LMBR1: variants seen among roughly 807,000 people sequenced by gnomAD.
The protein encoded by LMBR1 is limb region 1 protein homolog.
Under a neutral mutation model 73.9 loss-of-function variants are expected in LMBR1, and 52 were observed. That is an observed-to-expected ratio of 0.70 (90% confidence interval 0.56 to 0.89). LMBR1 has a LOEUF of 0.89. LMBR1 is among the 40% of genes least tolerant of loss of function. The probability of loss-of-function intolerance (pLI) is 0.00; values close to 1 mark genes in which losing one functional copy is unlikely to be tolerated. For synonymous variants in LMBR1, 215 were observed against 209.4 expected, an observed-to-expected ratio of 1.03 and a Z score of -0.23; for missense variants, 539 against 579.8, an observed-to-expected ratio of 0.93 and a Z score of 0.72.
downstream of LMBR1, chr7:156,676,852 T>C (rs1338234476): frequency 1.2e-5 from 7 of 567,016 alleles, no homozygotes; most frequent in Non-Finnish European, 2.2e-5. Flanking sequence ...CTCTAAAAAG[T>C]AAATTTCAAA....
At chr7:156,703,537 G>A (rs6459700) in intron 15 of LMBR1, among the ~76,000 whole-genome samples, 3,816 of 152,264 alleles carry the variant, frequency 0.025, 161 homozygotes, top group African/African-American at 0.087. Context: ...AGCACTCCAC[G>A]AGAACAAGGA....
intron 1 of LMBR1, among the ~76,000 whole-genome samples, chr7:156,882,594 G>A (rs950150791): frequency 6.6e-6 from 1 of 152,196 alleles, no homozygotes; most frequent in African/African-American, 2.4e-5. Context: ...GAGTGTAAAT[G>A]GTGGTTCTCA....
chr7:156,722,429 C>G (rs567983217), intron 15 of LMBR1, among the ~76,000 whole-genome samples: 14 of 152,126 alleles, frequency 9.2e-5, no homozygotes, highest in African/African-American at 3.4e-4. Flanking sequence ...AGAGGAATTA[C>G]AAAGTAACTC....
At chr7:156,887,160 T>C (rs991761009) in intron 1 of LMBR1, among the ~76,000 whole-genome samples, 4 of 152,200 alleles carry the variant, frequency 2.6e-5, no homozygotes, top group Admixed American at 2.0e-4. Flanking sequence ...AATTATTACA[T>C]GAGTATTTAA....
At chr7:156,732,908 C>T (rs1817126010) in intron 10 of LMBR1, among the ~76,000 whole-genome samples, 1 of 152,208 alleles carries the variant, frequency 6.6e-6, no homozygotes, top group South Asian at 2.1e-4. Context: ...CTTTGGGAGG[C>T]TGACGTGGGC....
chr7:156,852,216 T>G (rs544768308), intron 1 of LMBR1, among the ~76,000 whole-genome samples: 3 of 152,192 alleles, frequency 2.0e-5, no homozygotes, highest in Non-Finnish European at 4.4e-5. Context: ...AACAAAGTAG[T>G]GTGAATACTC....
intron 1 of LMBR1, among the ~76,000 whole-genome samples, chr7:156,874,049 G>C (rs1799762610): frequency 6.6e-6 from 1 of 152,276 alleles, no homozygotes. Flanking sequence ...GCGCCGTGGA[G>C]CAGGGGGTGG....
intron 2 of LMBR1, 76 bp from the exon 3 acceptor site, chr7:156,833,868 C>T: frequency 1.0e-6 from 1 of 968,446 alleles, no homozygotes; most frequent in South Asian, 1.5e-5. Context: ...AAACTATAAA[C>T]ACAATATAAA....
At chr7:156,739,135 T>C (rs1818434130) in intron 9 of LMBR1, among the ~76,000 whole-genome samples, 1 of 151,728 alleles carries the variant, frequency 6.6e-6, no homozygotes, top group South Asian at 2.1e-4. Flanking sequence ...CAACATTCAC[T>C]ACAAGCTGAC....
At chr7:156,768,763 T>A (rs1824621031) in intron 5 of LMBR1, among the ~76,000 whole-genome samples, 1 of 152,214 alleles carries the variant, frequency 6.6e-6, no homozygotes, top group Non-Finnish European at 1.5e-5. Context: ...TCTTCCATTT[T>A]ACTGGACATG....
At position 156,680,990 on chromosome 7, in the gene LMBR1, ATCAATTAC is replaced by A; in HGVS notation, c.*3080_*3087del. 6.4e-6 allele frequency: 2 copies of A among 312,242 alleles called. No homozygotes were observed. Among genetic ancestry groups the A allele is most frequent in the Non-Finnish European group, 1.2e-5 (2 of 164,254 alleles). The allele number at this position is 312,242 out of a possible 1,614,324, so 19.3% of individuals were successfully genotyped here. On this transcript the variant is annotated 3_prime_UTR_variant, in exon 17 of 17. Coordinates refer to ENST00000353442, the MANE Select transcript of LMBR1 (RefSeq NM_022458.4). ...TAAACAAAACAATCTGTAAACAAAA[ATCAATTAC>A]TAGTGTGTCCAAATGTTATTTTTAA... is the stretch of plus-strand genomic sequence containing the variant.
At chr7:156,828,365 T>G (rs2133837777) in intron 3 of LMBR1, among the ~76,000 whole-genome samples, 1 of 152,348 alleles carries the variant, frequency 6.6e-6, no homozygotes, top group East Asian at 1.9e-4. Flanking sequence ...TCATTTGCCC[T>G]GTGAAGCATT....
chr7:156,841,154 A>C (rs932086262), intron 1 of LMBR1, among the ~76,000 whole-genome samples: 4 of 152,044 alleles, frequency 2.6e-5, no homozygotes, highest in African/African-American at 9.7e-5. Context: ...GCTAGAATAA[A>C]TATAAGGTTC....
intron 5 of LMBR1, among the ~76,000 whole-genome samples, chr7:156,793,960 T>C (rs1829669199): frequency 6.6e-6 from 1 of 151,358 alleles, no homozygotes; most frequent in Non-Finnish European, 1.5e-5. Flanking sequence ...AGCTTCACCA[T>C]CTTCCGCTGG....
At chr7:156,851,243 C>T (rs1336421271) in intron 1 of LMBR1, among the ~76,000 whole-genome samples, 1 of 152,160 alleles carries the variant, frequency 6.6e-6, no homozygotes. Context: ...AACAAAATTA[C>T]CAATGCCCTA....
intron 3 of LMBR1, 103 bp from the exon 4 acceptor site, chr7:156,826,847 A>G (rs926658970): frequency 3.6e-6 from 4 of 1,096,966 alleles, no homozygotes; most frequent in Non-Finnish European, 5.1e-6. Flanking sequence ...TCAAAAAAGC[A>G]TTATATTAAG....
At chr7:156,765,210 T>C (rs1185317826) in intron 5 of LMBR1, among the ~76,000 whole-genome samples, 1 of 152,160 alleles carries the variant, frequency 6.6e-6, no homozygotes, top group Non-Finnish European at 1.5e-5. Flanking sequence ...CCAAATCTCA[T>C]CTCGAATTGT....
At chr7:156,845,131 G>T (rs1839385938) in intron 1 of LMBR1, among the ~76,000 whole-genome samples, 1 of 152,022 alleles carries the variant, frequency 6.6e-6, no homozygotes, top group Admixed American at 6.6e-5. Flanking sequence ...TATACCAATT[G>T]CCCTGATTAT....
chr7:156,878,186 C>T (rs1163725650), intron 1 of LMBR1, among the ~76,000 whole-genome samples: 3 of 152,072 alleles, frequency 2.0e-5, no homozygotes, highest in African/African-American at 7.2e-5. Flanking sequence ...CAACATAGTA[C>T]TGGAAGTCCT....
Sources: allele counts gnomAD v4.1 joint callset (sites outside exome capture counted in the v4.1 genomes callset), GRCh38; gene constraint gnomAD v4.1.1; transcripts MANE v1.5; gene names NCBI Gene and HGNC (gene_info 2026-07-23, HGNC 2026-07-21).